Variants in ERGIC1 observed in about 807,000 individuals in gnomAD.
The protein encoded by ERGIC1 is endoplasmic reticulum-Golgi intermediate compartment protein 1.
In ERGIC1, 19 loss-of-function variants were observed where a neutral mutation model predicts 38.3. The observed-to-expected ratio is 0.50, with a 90% confidence interval of 0.35 to 0.73. The LOEUF (loss-of-function observed/expected upper bound fraction) is 0.73. Among genes scored for constraint, ERGIC1 ranks in the 30% least tolerant of loss-of-function variants. The pLI, the probability that ERGIC1 is intolerant of heterozygous loss-of-function variation, is 0.01. For missense variants in ERGIC1, 294 were observed against 389.2 expected, an observed-to-expected ratio of 0.76 and a Z score of 2.06; for synonymous variants, 124 against 157.6, an observed-to-expected ratio of 0.79 and a Z score of 1.60.
chr5:172,896,666 CGAGCCAAACA>C (rs1301339761), intron 2 of ERGIC1, among the ~76,000 whole-genome samples: 26 of 152,220 alleles, frequency 1.7e-4, no homozygotes, highest in African/African-American at 6.3e-4. Flanking sequence ...TGTTGTCACT[CGAGCCAAACA>C]GAACACATTT....
intron 1 of ERGIC1, among the ~76,000 whole-genome samples, chr5:172,882,780 CCT>C (rs1234902188): frequency 6.6e-6 from 1 of 152,150 alleles, no homozygotes; most frequent in Non-Finnish European, 1.5e-5. Flanking sequence ...CCTCCCTACC[CCT>C]GTCCCCATGC....
In ERGIC1 at chr5:172,837,820, T is replaced by C. The variant is rs1233956472; in HGVS notation, c.20+3387T>C. 6.6e-6 allele frequency among the ~76,000 whole-genome samples: 1 copy of C among 152,224 alleles called. No homozygotes were observed. The highest frequency in any genetic ancestry group is 1.9e-4 in the East Asian group (1 of 5,198). On this transcript the variant is annotated intron_variant, in intron 1 of 9. Transcript: ENST00000393784. This position sits in a 1 kb window ranked among gnomAD's most constrained non-coding sequence, Gnocchi z 4.3. ...GCTGTTGCAGTTGTGGAACTAGCCT[T>C]GTGACCCACATCCGTGTGTGTTGTT... is the stretch of plus-strand genomic sequence containing the variant.
In ERGIC1 at chr5:172,906,754, A is replaced by G. The variant is rs143196985; in HGVS notation, c.156-2913A>G. On this transcript the variant is annotated intron_variant, in intron 3 of 9. Coordinates refer to ENST00000393784, the MANE Select transcript of ERGIC1 (RefSeq NM_001031711.3). ...GACCCAAGGGGCCTAATAAATGTTT[A>G]AAATAACCACAGCCCAGCCACCTGA... 3.3e-3 allele frequency among the ~76,000 whole-genome samples: 497 copies of G among 152,264 alleles called. 2 individuals carry two copies. Among genetic ancestry groups the G allele is most frequent in the African/African-American group, 0.012 (486 of 41,540 alleles).
At chr5:172,852,330 C>T (rs1761431418) in intron 1 of ERGIC1, among the ~76,000 whole-genome samples, 1 of 152,202 alleles carries the variant, frequency 6.6e-6, no homozygotes, top group Non-Finnish European at 1.5e-5. Context: ...CCTGCAGGAG[C>T]TGGTTTCTGC....
chr5:172,948,686 C>T (rs1392588714), intron 9 of ERGIC1, among the ~76,000 whole-genome samples: 4 of 152,144 alleles, frequency 2.6e-5, no homozygotes, highest in Non-Finnish European at 5.9e-5. Flanking sequence ...TATGGCTGCT[C>T]CTAGGATGGG....
chr5:172,891,017 C>CA (rs1762546634), intron 2 of ERGIC1, among the ~76,000 whole-genome samples: 1 of 152,222 alleles, frequency 6.6e-6, no homozygotes, highest in Non-Finnish European at 1.5e-5. Context: ...TCCCATTTAG[C>CA]AGCAGTGTGA....
chr5:172,934,466 G>A (rs1472564401), intron 8 of ERGIC1: 1 of 152,822 alleles, frequency 6.5e-6, no homozygotes. Flanking sequence ...GTGGCAGGGC[G>A]GGGCCTTCTG....
chr5:172,905,558 C>T (rs571295046), intron 3 of ERGIC1: 2 of 410,884 alleles, frequency 4.9e-6, no homozygotes, highest in Non-Finnish European at 1.0e-5. Flanking sequence ...TCATTTAGGA[C>T]AAACCCGGGC....
intron 9 of ERGIC1, among the ~76,000 whole-genome samples, chr5:172,938,315 C>T (rs1763930393): frequency 6.6e-6 from 1 of 152,196 alleles, no homozygotes; most frequent in Non-Finnish European, 1.5e-5. Context: ...TAGACCACTC[C>T]TCAGAGGCCC....
At chr5:172,943,355 C>A (rs933067934) in intron 9 of ERGIC1, among the ~76,000 whole-genome samples, 28 of 151,836 alleles carry the variant, frequency 1.8e-4, no homozygotes, top group South Asian at 4.2e-4. Flanking sequence ...CACCCCCAGC[C>A]TTTCCAGGGC....
At position 172,889,086 on chromosome 5, in the gene ERGIC1, A is replaced by G. The variant is rs149294044; in HGVS notation, c.82+326A>G. 5.8e-3 allele frequency among the ~76,000 whole-genome samples: 890 copies of G among 152,294 alleles called. 7 individuals are homozygous for G. Among genetic ancestry groups the G allele is most frequent in the Middle Eastern group, 0.017 (5 of 294 alleles). On this transcript the variant is annotated intron_variant, in intron 2 of 9. Transcript: ENST00000393784. ...GATCAATTGACATCAGGAGTTCGAG[A>G]CCAGGCTGACCAACATGCTGAAACC...
intron 1 of ERGIC1, among the ~76,000 whole-genome samples, chr5:172,871,170 A>G (rs1761997223): frequency 6.6e-6 from 1 of 152,176 alleles, no homozygotes; most frequent in Admixed American, 6.5e-5. Flanking sequence ...CCGTGGGGGC[A>G]CTTCATCCGG....
At chr5:172,938,325 C>G (rs548286472) in intron 9 of ERGIC1, among the ~76,000 whole-genome samples, 2 of 152,172 alleles carry the variant, frequency 1.3e-5, no homozygotes, top group East Asian at 3.8e-4. Context: ...CTCAGAGGCC[C>G]TAGGGTCTGT....
intron 2 of ERGIC1, among the ~76,000 whole-genome samples, chr5:172,893,905 A>ATATATATATATATATATGTG (rs1173039695): frequency 1.9e-4 from 3 of 15,544 alleles, no homozygotes; most frequent in African/African-American, 2.2e-4. Flanking sequence ...ATATATATAT[A>ATATATATATATATATATGTG]TGTGTGTGTG....
intron 2 of ERGIC1, among the ~76,000 whole-genome samples, chr5:172,892,594 C>G (rs1441795680): frequency 6.6e-6 from 1 of 152,096 alleles, no homozygotes; most frequent in Non-Finnish European, 1.5e-5. Flanking sequence ...TCCTACTGTC[C>G]GATGCCTGAG....
At chr5:172,861,737 A>G (rs1177156102) in intron 1 of ERGIC1, among the ~76,000 whole-genome samples, 3 of 152,216 alleles carry the variant, frequency 2.0e-5, no homozygotes, top group Non-Finnish European at 2.9e-5. Context: ...TGTACACGGC[A>G]TAGCTCTATT....
chr5:172,912,904 G>A (rs971184692), intron 4 of ERGIC1, among the ~76,000 whole-genome samples: 46 of 152,230 alleles, frequency 3.0e-4, no homozygotes, highest in Non-Finnish European at 5.3e-4. Flanking sequence ...AAGTAGCTGG[G>A]ATTACAGGCA....
chr5:172,847,565 G>A (rs926246502), intron 1 of ERGIC1, among the ~76,000 whole-genome samples: 6 of 152,170 alleles, frequency 3.9e-5, no homozygotes, highest in Non-Finnish European at 8.8e-5. Flanking sequence ...CCAGGCTGGA[G>A]TGCAGTGGCA....
At chr5:172,835,482 C>G (rs539729475) in intron 1 of ERGIC1, among the ~76,000 whole-genome samples, 445 of 151,274 alleles carry the variant, frequency 2.9e-3, no homozygotes, top group Admixed American at 4.5e-3. Context: ...ACACCCTTAG[C>G]AGAGTCTGGC....
Sources: allele counts gnomAD v4.1 joint callset (sites outside exome capture counted in the v4.1 genomes callset), GRCh38; gene constraint gnomAD v4.1.1; non-coding constraint Gnocchi (gnomAD v3.1); transcripts MANE v1.5; gene names NCBI Gene and HGNC (gene_info 2026-07-23, HGNC 2026-07-21).